The following RERGL variants were observed in gnomAD, a reference collection of about 807,000 sequenced individuals.
RERGL encodes ras-related and estrogen-regulated growth inhibitor-like protein.
A neutral mutation model predicts 24.7 loss-of-function variants in RERGL; 22 were observed. That is an observed-to-expected ratio of 0.89 (90% confidence interval 0.64 to 1.27). The LOEUF is 1.27. RERGL is among the 50% of genes most tolerant of loss of function. The probability of loss-of-function intolerance (pLI) is 0.00; values close to 1 mark genes in which losing one functional copy is unlikely to be tolerated. For synonymous variants in RERGL, 76 were observed against 82.6 expected (o/e 0.92, Z 0.43); for missense variants, 259 against 235.3 (o/e 1.10, Z -0.66).
chr12:18,088,930 G>C lies in RERGL; in HGVS notation c.79C>G (p.Arg27Gly). The change falls in exon 2 of 5, where the codon CGA becomes GGA. Residue 27 changes from arginine (R) to glycine (G), a missense_variant. Transcript: ENST00000538724. ...SALTVRFLTK[R>G]FIGEYASNFE... is the part of the protein sequence containing the mutation. ...TTAGAAGCATATTCTCCAATGAATC[G>C]CTTAGTAAGAAACCTCACTGTAAGG... 1 of 1,609,922 alleles carries C rather than the reference G, an allele frequency of 6.2e-7. No individual in the cohort carries two copies. Among genetic ancestry groups the C allele is most frequent in the South Asian group, 1.1e-5 (1 of 90,992 alleles).
chr12:18,088,275 T>C (rs957106019), intron 2 of RERGL, among the ~76,000 whole-genome samples: 1 of 152,070 alleles, frequency 6.6e-6, no homozygotes, highest in Non-Finnish European at 1.5e-5. Context: ...CTCAAAATTA[T>C]GGCAAAATTT....
At chr12:18,085,848 C>CTTTTT (rs1174192368) in intron 2 of RERGL, among the ~76,000 whole-genome samples, 155 bp from the exon 3 acceptor site, 5 of 118,604 alleles carry the variant, frequency 4.2e-5, no homozygotes, top group Non-Finnish European at 6.9e-5. Flanking sequence ...AGATATGTTT[C>CTTTTT]TTTTTTTTTT....
At chr12:18,084,400 T>C in intron 4 of RERGL, 117 bp downstream of exon 4, 1 of 833,606 alleles carries the variant, frequency 1.2e-6, no homozygotes, top group Non-Finnish European at 1.8e-6. Flanking sequence ...GAAGGTGAAT[T>C]GTTCAGGGCT....
At chr12:18,083,653 C>T (rs1056817281) in intron 4 of RERGL, among the ~76,000 whole-genome samples, 1 of 152,076 alleles carries the variant, frequency 6.6e-6, no homozygotes, top group Admixed American at 6.6e-5. Context: ...GGGAAATACA[C>T]TTTATCAATT....
At chr12:18,081,948 G>A (rs1947177577) in intron 4 of RERGL, among the ~76,000 whole-genome samples, 1 of 152,112 alleles carries the variant, frequency 6.6e-6, no homozygotes, top group African/African-American at 2.4e-5. Flanking sequence ...AGACCATCCT[G>A]GCTAACACGG....
At chr12:18,082,322 G>GGAACAACACACAACAACAACAACC (rs1947182149) in intron 4 of RERGL, among the ~76,000 whole-genome samples, 1 of 152,028 alleles carries the variant, frequency 6.6e-6, no homozygotes, top group African/African-American at 2.4e-5. Flanking sequence ...ACACACAATG[G>GGAACAACACACAACAACAACAACC]TGCCTATTGG....
At chr12:18,089,274 A>T in intron 1 of RERGL, 1 of 1,606,754 alleles carries the variant, frequency 6.2e-7, no homozygotes, top group Admixed American at 1.7e-5. Flanking sequence ...AGATGCAAGA[A>T]GTTTGACATC....
chr12:18,085,604 G>A lies in RERGL; in HGVS notation c.183+16C>T, dbSNP rs763649105. On this transcript the variant is annotated intron_variant, in intron 3 of 4. Transcript: ENST00000538724. ...CAATAAATAAATCAATAAAAAAGGT[G>A]TTTTGTTTTACTTACTTGAGAACAA... The A allele has an allele frequency of 1.4e-6, 2 of 1,443,490 alleles. No individual in the cohort carries two copies. The highest frequency in any genetic ancestry group is 1.2e-5 in the South Asian group (1 of 82,466). 89.4% of individuals were successfully genotyped at this position (1,443,490 alleles called of 1,614,324 possible). A position where few individuals can be genotyped will look rare whatever the true frequency, so the allele number is the denominator to read the frequency against.
chr12:18,085,536 T>A, intron 3 of RERGL, 84 bp downstream of exon 3: 1 of 888,596 alleles, frequency 1.1e-6, no homozygotes, highest in Non-Finnish European at 1.7e-6. Flanking sequence ...TTTTTTCACT[T>A]ACCCCCATAT....
At position 18,089,134 on chromosome 12, in the gene RERGL, T is replaced by C; in HGVS notation, c.53-178A>G. 3 of 1,210,420 alleles carry C rather than the reference T, an allele frequency of 2.5e-6. No individual in the cohort carries two copies. The South Asian group carries it at 4.3e-5, about 17-fold the overall frequency. 75.0% of individuals were successfully genotyped at this position (1,210,420 alleles called of 1,614,324 possible). On this transcript the variant is annotated intron_variant, in intron 1 of 4. Transcript: ENST00000538724. ...ACAATATTTCCATGGTACAAACAAA[T>C]GATTAGAAAGTTAGAAAGGAAGTGA...
intron 4 of RERGL, among the ~76,000 whole-genome samples, chr12:18,082,234 A>G (rs1418994900): frequency 6.6e-6 from 1 of 152,148 alleles, no homozygotes; most frequent in African/African-American, 2.4e-5. Context: ...ATGCAAGAAC[A>G]GAAAACCAAA....
At chr12:18,083,975 C>G (rs1947195619) in intron 4 of RERGL, among the ~76,000 whole-genome samples, 1 of 151,950 alleles carries the variant, frequency 6.6e-6, no homozygotes, top group South Asian at 2.1e-4. Flanking sequence ...TTCATAGTTC[C>G]TTGTGTCAAG....
chr12:18,085,705 T>C lies in RERGL; in HGVS notation c.110-12A>G. 1 of 1,490,882 alleles carries C rather than the reference T, an allele frequency of 6.7e-7. No homozygotes were observed. The highest frequency in any genetic ancestry group is 9.3e-7 in the Non-Finnish European group (1 of 1,076,568). The allele number at this position is 1,490,882 out of a possible 1,614,324, so 92.4% of individuals were successfully genotyped here. On this transcript the variant is annotated splice_polypyrimidine_tract_variant and intron_variant, in intron 2 of 4. Transcript: ENST00000538724. ...CTTATAGATAGATTCTGCAAAAATA[T>C]GCATATCCACTGTCAGTATGAAAAT...
intron 2 of RERGL, among the ~76,000 whole-genome samples, chr12:18,087,832 G>A (rs1241230001): frequency 6.6e-6 from 1 of 151,968 alleles, no homozygotes; most frequent in African/African-American, 2.4e-5. Flanking sequence ...GACTGATGTC[G>A]TTGCCTTCAC....
chr12:18,088,807 G>A, intron 2 of RERGL, 93 bp downstream of exon 2: 5 of 827,482 alleles, frequency 6.0e-6, no homozygotes, highest in Admixed American at 1.9e-5. Flanking sequence ...CATAAAAATG[G>A]TATAGTCTAT....
chr12:18,083,701 G>C (rs929204988), intron 4 of RERGL, among the ~76,000 whole-genome samples: 1 of 152,068 alleles, frequency 6.6e-6, no homozygotes, highest in South Asian at 2.1e-4. Flanking sequence ...ATTTAAAATA[G>C]TTATTAAAAG....
intron 2 of RERGL, among the ~76,000 whole-genome samples, chr12:18,086,960 C>G (rs1947227330): frequency 6.6e-6 from 1 of 152,082 alleles, no homozygotes; most frequent in African/African-American, 2.4e-5. Context: ...TCCAGCTTCT[C>G]AGGCAAAAAA....
At chr12:18,088,569 T>C (rs1253015886) in intron 2 of RERGL, among the ~76,000 whole-genome samples, 1 of 152,116 alleles carries the variant, frequency 6.6e-6, no homozygotes, top group Admixed American at 6.5e-5. Flanking sequence ...TTAAAGAATG[T>C]TGAATTTCAA....
At chr12:18,089,912 T>C (rs554391126) in intron 1 of RERGL, among the ~76,000 whole-genome samples, 177 bp downstream of exon 1, 3 of 152,038 alleles carry the variant, frequency 2.0e-5, no homozygotes, top group Admixed American at 6.6e-5. Flanking sequence ...TACTTACCTA[T>C]AAAAATGAAA....
Sources: allele counts gnomAD v4.1 joint callset (sites outside exome capture counted in the v4.1 genomes callset), GRCh38; gene constraint gnomAD v4.1.1; transcripts MANE v1.5; gene names NCBI Gene and HGNC (gene_info 2026-07-23, HGNC 2026-07-21).